The following TBC1D1 variants were observed in gnomAD, a reference collection of about 807,000 sequenced individuals.
TBC1D1 encodes TBC1 (tre-2/USP6, BUB2, cdc16) domain family, member 1.
Under a neutral mutation model 125.6 loss-of-function variants are expected in TBC1D1, and 89 were observed. The ratio of observed to expected loss-of-function variants is 0.71; its 90% CI spans 0.60 to 0.85. The LOEUF is 0.85. Ranked by LOEUF, TBC1D1 falls within the 40% of genes least tolerant of loss-of-function variation. The pLI, the probability that TBC1D1 is intolerant of heterozygous loss-of-function variation, is 0.00. For synonymous variants in TBC1D1, 565 were observed against 564.1 expected (o/e 1.00, Z -0.02); for missense variants, 1,377 against 1,469.2 (o/e 0.94, Z 1.03).
rs191140717 is a variant in TBC1D1, at chr4:38,099,568, T to C, written c.2399-3431T>C. ...TCTAGTTATGGGTGGTTTTTCACTT[T>C]CTTCTTTATACCTCTTGCATTTCAG... On this transcript the variant is annotated intron_variant, in intron 14 of 19. Transcript: ENST00000261439. 2.8e-4 allele frequency among the ~76,000 whole-genome samples: 43 copies of C among 152,342 alleles called. No homozygotes were observed. The East Asian group carries it at 8.3e-3, about 29-fold the overall frequency.
chr4:38,104,159 C>CAAAAAAA (rs71658758), intron 15 of TBC1D1, among the ~76,000 whole-genome samples: 8 of 83,952 alleles, frequency 9.5e-5, no homozygotes, highest in African/African-American at 1.8e-4. Flanking sequence ...GACTCTGTCT[C>CAAAAAAA]AAAAAAAAAA....
At chr4:37,958,485 T>C (rs1729336915) in intron 2 of TBC1D1, among the ~76,000 whole-genome samples, 1 of 152,178 alleles carries the variant, frequency 6.6e-6, no homozygotes, top group African/African-American at 2.4e-5. Context: ...CTGGGGAGAT[T>C]TCCTCTTCTT....
intron 17 of TBC1D1, among the ~76,000 whole-genome samples, chr4:38,124,424 A>G (rs2152611301): frequency 6.6e-6 from 1 of 152,324 alleles, no homozygotes; most frequent in Non-Finnish European, 1.5e-5. Context: ...CAGAGGGAAA[A>G]ATGTTCTTTA....
At chr4:38,104,092 G>A (rs1227621075) in intron 15 of TBC1D1, among the ~76,000 whole-genome samples, 5 of 145,554 alleles carry the variant, frequency 3.4e-5, no homozygotes, top group South Asian at 2.2e-4. Context: ...CCCAGGAGGC[G>A]GAGCTTGCAG....
At chr4:38,120,072 C>A in intron 17 of TBC1D1, 2 of 985,422 alleles carry the variant, frequency 2.0e-6, no homozygotes, top group Non-Finnish European at 2.4e-6. Context: ...GAAGCTCACT[C>A]TAATGACTTC....
chr4:37,936,473 A>C (rs73142168), intron 2 of TBC1D1, among the ~76,000 whole-genome samples: 2,924 of 152,258 alleles, frequency 0.019, 101 homozygotes, highest in African/African-American at 0.067. Flanking sequence ...GACTACTTCA[A>C]CACTGTATCT....
chr4:38,028,758 C>G (rs1745571947), intron 7 of TBC1D1, among the ~76,000 whole-genome samples: 2 of 152,196 alleles, frequency 1.3e-5, no homozygotes, highest in South Asian at 4.1e-4. Flanking sequence ...TCATCTGTTC[C>G]CTGGGAAACC....
intron 8 of TBC1D1, among the ~76,000 whole-genome samples, chr4:38,036,640 C>A (rs565851289): frequency 6.6e-5 from 10 of 152,162 alleles, no homozygotes; most frequent in Non-Finnish European, 1.3e-4. Flanking sequence ...ATGGGGTGTA[C>A]ACTTAGCAAA....
chr4:37,912,064 C>T (rs959448535), intron 2 of TBC1D1, among the ~76,000 whole-genome samples: 2 of 152,204 alleles, frequency 1.3e-5, no homozygotes, highest in East Asian at 3.8e-4. Context: ...TGTCTCAGGA[C>T]TTTCGCAAGT....
At chr4:38,046,648 C>T (rs1749545473) in intron 10 of TBC1D1, among the ~76,000 whole-genome samples, 3 of 152,146 alleles carry the variant, frequency 2.0e-5, no homozygotes, top group Admixed American at 6.5e-5. Context: ...TTCTCCCCCA[C>T]TTGTGGGGAA....
rs146625208 is a variant in TBC1D1, at chr4:38,013,071, G to C, written c.418-1438G>C. Among the ~76,000 whole-genome samples, 1,461 of 152,286 alleles carry C rather than the reference G, an allele frequency of 9.6e-3. 11 individuals are homozygous for C. Among genetic ancestry groups the C allele is most frequent in the South Asian group, 0.017 (84 of 4,828 alleles). ...GCCTCCCAAAGTGCTGGGATTACAG[G>C]CATGAGCCACTGCGCCTGGCTGAAA... On this transcript the variant is annotated intron_variant, in intron 2 of 19. Coordinates refer to ENST00000261439, the MANE Select transcript of TBC1D1 (RefSeq NM_015173.4).
At chr4:37,968,651 AT>A (rs1251340236) in intron 2 of TBC1D1, among the ~76,000 whole-genome samples, 1 of 152,188 alleles carries the variant, frequency 6.6e-6, no homozygotes, top group African/African-American at 2.4e-5. Context: ...GAACCAATTT[AT>A]TGAGCACCGT....
At chr4:37,898,096 A>G (rs2152214410) in intron 1 of TBC1D1, among the ~76,000 whole-genome samples, 1 of 152,362 alleles carries the variant, frequency 6.6e-6, no homozygotes, top group South Asian at 2.1e-4. Flanking sequence ...GTGCATATAT[A>G]TTATACAGAA....
intron 6 of TBC1D1, among the ~76,000 whole-genome samples, chr4:38,025,252 T>C (rs1431664501): frequency 6.6e-6 from 1 of 152,248 alleles, no homozygotes; most frequent in African/African-American, 2.4e-5. Context: ...ACTCTCTTGA[T>C]GCTGGTTACC....
At chr4:38,057,100 C>T (rs1751858154) in intron 12 of TBC1D1, among the ~76,000 whole-genome samples, 1 of 152,178 alleles carries the variant, frequency 6.6e-6, no homozygotes, top group East Asian at 1.9e-4. Context: ...CAGCTCCTCT[C>T]CCTCCTGTGC....
intron 2 of TBC1D1, among the ~76,000 whole-genome samples, chr4:37,928,571 C>T (rs1722603665): frequency 6.6e-6 from 1 of 152,170 alleles, no homozygotes; most frequent in Non-Finnish European, 1.5e-5. Flanking sequence ...ATTGTACTTT[C>T]TCTCTTGCCG....
At chr4:38,008,568 G>A (rs1254122388) in intron 2 of TBC1D1, among the ~76,000 whole-genome samples, 2 of 152,182 alleles carry the variant, frequency 1.3e-5, no homozygotes, top group Non-Finnish European at 2.9e-5. Flanking sequence ...AGAAAGATAA[G>A]GCAGAGGGGA....
Position 38,118,073 on chromosome 4 carries a change from A to G in TBC1D1, c.2843A>G (p.His948Arg). The stretch of plus-strand genomic sequence containing the variant: ...CTCTCGAGGTTGCTTCATGATTACC[A>G]CAGAGACCTCTACAATCACCTGGAG... Residue 948 changes from histidine to arginine, a missense_variant, in exon 17 of 20, where the codon CAC becomes CGC. By Grantham distance (29) the His-to-Arg change is conservative. This residue lies in a region of TBC1D1 where 543 missense variants were observed against 613.5 expected (regional missense o/e 0.89). Coordinates refer to ENST00000261439, the MANE Select transcript of TBC1D1 (RefSeq NM_015173.4). 1 of 1,614,116 alleles carries G rather than the reference A, an allele frequency of 6.2e-7. No homozygotes were observed. The highest frequency in any genetic ancestry group is 8.5e-7 in the Non-Finnish European group (1 of 1,180,010).
In TBC1D1 at chr4:38,014,417, C is replaced by T; in HGVS notation, c.418-92C>T. ...CTCCAGTGCTCCGCAGTGGAGTAGC[C>T]AGCGGGGCGTCCCGAAAGAGCATGG... On this transcript the variant is annotated intron_variant, in intron 2 of 19. Coordinates refer to ENST00000261439, the MANE Select transcript of TBC1D1 (RefSeq NM_015173.4). The surrounding 1 kb of genome is among the most constrained non-coding windows in gnomAD (Gnocchi z 5.1). 7.7e-7 allele frequency: 1 copy of T among 1,298,780 alleles called. No individual in the cohort carries two copies. Among genetic ancestry groups the T allele is most frequent in the Non-Finnish European group, 1.1e-6 (1 of 923,370 alleles). The allele number at this position is 1,298,780 out of a possible 1,614,324, so 80.5% of individuals were successfully genotyped here. A position where few individuals can be genotyped will look rare whatever the true frequency, so the allele number is the denominator to read the frequency against.
Sources: allele counts gnomAD v4.1 joint callset (sites outside exome capture counted in the v4.1 genomes callset), GRCh38; gene constraint gnomAD v4.1.1; regional missense constraint gnomAD v4.1.1; non-coding constraint Gnocchi (gnomAD v3.1); transcripts MANE v1.5; gene names NCBI Gene and HGNC (gene_info 2026-07-23, HGNC 2026-07-21).